Variants in EPHA10 observed in about 807,000 individuals in gnomAD.
EPHA10 encodes the protein ephrin type-A receptor 10.
In EPHA10, 120 loss-of-function variants were observed where a neutral mutation model predicts 109.7. That is an observed-to-expected ratio of 1.09 (90% CI 0.94 to 1.27). EPHA10 has a LOEUF of 1.27. Among genes scored for constraint, EPHA10 ranks in the 50% most tolerant of loss-of-function variants. EPHA10 has a pLI of 0.00. For missense variants in EPHA10, 1,396 were observed against 1,411.1 expected (o/e 0.99, Z 0.17); for synonymous variants, 640 against 618.9 (o/e 1.03, Z -0.51).
intron 5 of EPHA10, among the ~76,000 whole-genome samples, chr1:37,751,199 C>CG (rs1646317766): frequency 2.2e-5 from 1 of 45,768 alleles, no homozygotes; most frequent in Non-Finnish European, 3.8e-5. Flanking sequence ...CGAGACTCCT[C>CG]TCAAAAAAAA....
At chr1:37,728,184 T>C (rs567897913) in intron 7 of EPHA10, among the ~76,000 whole-genome samples, 1 of 152,280 alleles carries the variant, frequency 6.6e-6, no homozygotes, top group African/African-American at 2.4e-5. Context: ...AGTCGTCCCC[T>C]GTGTCTGGGA....
Sources: gnomAD v4.1 joint callset for allele counts (sites outside exome capture counted in the v4.1 genomes callset) on GRCh38, gnomAD v4.1.1 for gene constraint, MANE v1.5 for transcripts, NCBI Gene and HGNC (gene_info 2026-07-23, HGNC 2026-07-21) for gene names.